Variants in BRDT observed in about 807,000 individuals in gnomAD.
BRDT encodes bromodomain testis-specific protein.
A neutral mutation model predicts 113.9 loss-of-function variants in BRDT; 77 were observed. That is an observed-to-expected ratio of 0.68 (90% CI 0.56 to 0.82). The LOEUF is 0.82. BRDT is among the 40% of genes least tolerant of loss of function. BRDT has a pLI of 0.00. For synonymous variants in BRDT, 358 were observed against 366.5 expected, an observed-to-expected ratio of 0.98 and a Z score of 0.26; for missense variants, 1,027 against 1,105.4, an observed-to-expected ratio of 0.93 and a Z score of 1.01.
At chr1:92,010,348 T>C (rs376709598) in intron 18 of BRDT, among the ~76,000 whole-genome samples, 20 of 142,306 alleles carry the variant, frequency 1.4e-4, no homozygotes, top group African/African-American at 5.1e-4. Context: ...CTCGGCTCAC[T>C]GCAACCTCTG....
At chr1:91,986,880 A>G (rs12144632) in intron 12 of BRDT, among the ~76,000 whole-genome samples, 106,154 of 151,862 alleles carry the variant, frequency 0.7, 38,521 homozygotes, top group Middle Eastern at 0.8. Flanking sequence ...TTTGCCATTC[A>G]AACTAGAAAG....
rs548301739 is a variant in BRDT at position 91,962,821 on chromosome 1, A to G, written c.67A>G (p.Lys23Glu). 9 of 1,612,796 alleles carry G rather than the reference A, an allele frequency of 5.6e-6. No individual in the cohort carries two copies. The African/African-American group carries it at 8.0e-5, about 14-fold the overall frequency. Residue 23 changes from lysine (K) to glutamate (E), a missense_variant, in exon 2 of 19, where the codon AAG (lysine) becomes GAG (glutamate). Transcript: ENST00000399546. ...NPPPPEYINT[K>E]KNGRLTNQLQ... ...TCCTCCACCAGAATATATAAATACT[A>G]AGAAAAATGGGCGATTGACAAATCA... is the stretch of plus-strand genomic sequence containing the variant.
At chr1:91,968,751 G>A (rs1374059329) in intron 4 of BRDT, among the ~76,000 whole-genome samples, 1 of 152,012 alleles carries the variant, frequency 6.6e-6, no homozygotes, top group Non-Finnish European at 1.5e-5. Context: ...TTTAAATATG[G>A]TGTTTCAAAA....
rs138852794 is a variant in BRDT at position 91,976,624 on chromosome 1, C to G, written c.618+186C>G. On this transcript the variant is annotated intron_variant, in intron 5 of 18. Coordinates refer to ENST00000399546, the MANE Select transcript of BRDT (RefSeq NM_207189.4). ...ATGAATAGACACCTAAGAGGCTAGC[C>G]AAATTTTAGATATTTCTTAGGTAGA... Among the ~76,000 whole-genome samples, 474 of 152,146 alleles carry G rather than the reference C, an allele frequency of 3.1e-3. 3 individuals are homozygous for G. Among genetic ancestry groups the G allele is most frequent in the African/African-American group, 0.011 (458 of 41,520 alleles).
chr1:91,996,842 C>CT (rs1397107164), intron 15 of BRDT, among the ~76,000 whole-genome samples: 1 of 152,064 alleles, frequency 6.6e-6, no homozygotes. Flanking sequence ...TACAGAATAT[C>CT]TAAGTGGAAA....
chr1:91,974,979 G>GT (rs1256493409), intron 4 of BRDT, among the ~76,000 whole-genome samples: 2 of 152,148 alleles, frequency 1.3e-5, no homozygotes, highest in Non-Finnish European at 2.9e-5. Context: ...CATGTCCTTT[G>GT]TAGGGACATG....
intron 1 of BRDT, chr1:91,952,305 G>A (rs1306429221): frequency 6.6e-6 from 1 of 152,144 alleles, no homozygotes; most frequent in Non-Finnish European, 1.5e-5. Flanking sequence ...GAATGTTGGG[G>A]GAAAAGCCAA....
At chr1:91,983,888 T>G (rs199827316) in intron 12 of BRDT, among the ~76,000 whole-genome samples, 8 of 151,938 alleles carry the variant, frequency 5.3e-5, no homozygotes, top group East Asian at 1.9e-4. Flanking sequence ...CACCATGTTG[T>G]CCAGGCTGGT....
intron 18 of BRDT, among the ~76,000 whole-genome samples, chr1:92,010,295 T>C: frequency 9.0e-6 from 1 of 110,810 alleles, no homozygotes; most frequent in South Asian, 3.1e-4. Flanking sequence ...TTTTTGAGAC[T>C]GAATCTCACT....
In BRDT at chr1:91,981,102, A is replaced by G. The variant is rs752127479; in HGVS notation, c.1674A>G (p.Thr558=). 6.2e-7 allele frequency: 1 copy of G among 1,614,062 alleles called. No homozygotes were observed. The highest frequency in any genetic ancestry group is 1.7e-5 in the Admixed American group (1 of 60,018). ...ATGAGATAGAGATAGACTTTGAAAC[A>G]CTGAAAGCATCAACACTAAGAGAAT... is the stretch of plus-strand genomic sequence containing the variant. ...NPDEIEIDFE[T]LKASTLRELE... Residue 558 remains threonine, a synonymous_variant, in exon 10 of 19, where the codon ACA becomes ACG. Transcript: ENST00000399546.
At chr1:92,009,985 C>T (rs1485036221) in intron 18 of BRDT, among the ~76,000 whole-genome samples, 1 of 151,940 alleles carries the variant, frequency 6.6e-6, no homozygotes, top group African/African-American at 2.4e-5. Flanking sequence ...CCATTGTTTC[C>T]ACTGAGAAAT....
chr1:92,006,236 T>C (rs890896922), intron 18 of BRDT, among the ~76,000 whole-genome samples: 2 of 152,156 alleles, frequency 1.3e-5, no homozygotes, highest in African/African-American at 4.8e-5. Context: ...GCCAAGTTGG[T>C]TTATCTTCTT....
intron 12 of BRDT, 52 bp downstream of exon 12, chr1:91,981,807 G>C: frequency 4.7e-6 from 7 of 1,493,574 alleles, no homozygotes; most frequent in Non-Finnish European, 6.3e-6. Flanking sequence ...TTTTTTTCCT[G>C]TAATATTGAT....
intron 6 of BRDT, among the ~76,000 whole-genome samples, 174 bp from the exon 7 acceptor site, chr1:91,977,994 A>T (rs1340763535): frequency 6.6e-6 from 1 of 152,136 alleles, no homozygotes; most frequent in Non-Finnish European, 1.5e-5. Context: ...TTTTTTTCAA[A>T]GTCTAAAAAA....
intron 1 of BRDT, among the ~76,000 whole-genome samples, chr1:91,956,310 C>T (rs899462666): frequency 6.6e-6 from 1 of 150,926 alleles, no homozygotes; most frequent in Non-Finnish European, 1.5e-5. Flanking sequence ...TCTTCCTGCC[C>T]CCCCCCACCC....
chr1:91,977,286 C>T lies in BRDT; in HGVS notation c.862C>T (p.His288Tyr). ...TCTTAAAGAAATGCTTGCAAAGAAA[C>T]ATTTTTCATATGCATGGCCCTTTTA... Reference protein sequence around the residue: ...EILKEMLAKKHFSYAWPFYNP... With the variant: ...EILKEMLAKKYFSYAWPFYNP... The change falls in exon 6 of 19, where the codon CAT (histidine) becomes TAT (tyrosine). Residue 288 changes from histidine to tyrosine, a missense_variant. Coordinates refer to ENST00000399546, the MANE Select transcript of BRDT (RefSeq NM_207189.4). 1 of 1,613,992 alleles carries T rather than the reference C, an allele frequency of 6.2e-7. No individual in the cohort carries two copies. The highest frequency in any genetic ancestry group is 8.5e-7 in the Non-Finnish European group (1 of 1,179,952).
chr1:91,987,382 G>A (rs537561290), intron 12 of BRDT, among the ~76,000 whole-genome samples: 21 of 152,248 alleles, frequency 1.4e-4, no homozygotes, highest in African/African-American at 4.8e-4. Context: ...TGCCCAGGCT[G>A]GAGTGCAGTG....
intron 4 of BRDT, 41 bp from the exon 5 acceptor site, chr1:91,976,225 T>C: frequency 6.6e-7 from 1 of 1,515,612 alleles, no homozygotes; most frequent in African/African-American, 1.4e-5. Context: ...ATTTTGTACT[T>C]TATTCATTCA....
At chr1:91,958,372 T>C (rs1300146826) in intron 1 of BRDT, among the ~76,000 whole-genome samples, 1 of 151,972 alleles carries the variant, frequency 6.6e-6, no homozygotes, top group East Asian at 1.9e-4. Flanking sequence ...TTCACTGCCA[T>C]GCCCGGCTAG....
Sources: allele counts gnomAD v4.1 joint callset (sites outside exome capture counted in the v4.1 genomes callset), GRCh38; gene constraint gnomAD v4.1.1; transcripts MANE v1.5; gene names NCBI Gene and HGNC (gene_info 2026-07-23, HGNC 2026-07-21).